The following TMC1 variants were observed in gnomAD, a reference collection of about 807,000 sequenced individuals.
TMC1 encodes transmembrane channel-like protein 1.
Under a neutral mutation model 105.8 loss-of-function variants are expected in TMC1, and 84 were observed. The ratio of observed to expected loss-of-function variants is 0.79; its 90% confidence interval spans 0.67 to 0.95. TMC1 has a LOEUF of 0.95. Among genes scored for constraint, TMC1 ranks in the 40% least tolerant of loss-of-function variants. TMC1 has a pLI of 0.00. For synonymous variants in TMC1, 315 were observed against 311.5 expected, an observed-to-expected ratio of 1.01 and a Z score of -0.12; for missense variants, 817 against 914.1, an observed-to-expected ratio of 0.89 and a Z score of 1.37.
At chr9:72,681,005 G>C (rs946854000) in intron 5 of TMC1, among the ~76,000 whole-genome samples, 2 of 152,004 alleles carry the variant, frequency 1.3e-5, no homozygotes, top group Non-Finnish European at 2.9e-5. Flanking sequence ...AAAATGCTAC[G>C]GAGGACAGAA....
intron 8 of TMC1, among the ~76,000 whole-genome samples, chr9:72,732,602 T>A (rs1827231358): frequency 6.6e-6 from 1 of 151,296 alleles, no homozygotes; most frequent in Admixed American, 6.6e-5. Flanking sequence ...CTTTGGATAA[T>A]AACTAAAAGC....
intron 5 of TMC1, chr9:72,651,474 G>A (rs1825813744): frequency 6.6e-6 from 1 of 152,130 alleles, no homozygotes; most frequent in South Asian, 2.1e-4. Flanking sequence ...ATTGCAGGTT[G>A]TCAACTCTGC....
chr9:72,794,755 A>G (rs1029169457), intron 17 of TMC1, among the ~76,000 whole-genome samples: 3 of 152,218 alleles, frequency 2.0e-5, no homozygotes, highest in Non-Finnish European at 4.4e-5. Flanking sequence ...CAGTTCTCCA[A>G]CAAGAGTTCT....
intron 1 of TMC1, among the ~76,000 whole-genome samples, chr9:72,533,682 G>A (rs889922871): frequency 5.3e-5 from 8 of 152,180 alleles, no homozygotes; most frequent in Non-Finnish European, 1.0e-4. Context: ...ACAATCTAAG[G>A]TAGAAAAACA....
chr9:72,776,413 G>A (rs1828006052), intron 13 of TMC1, among the ~76,000 whole-genome samples: 1 of 152,140 alleles, frequency 6.6e-6, no homozygotes, highest in South Asian at 2.1e-4. Context: ...CATCTGTTGA[G>A]CATCTCTCAT....
chr9:72,634,482 C>A (rs1361730826), intron 4 of TMC1, among the ~76,000 whole-genome samples: 1 of 152,174 alleles, frequency 6.6e-6, no homozygotes, highest in Admixed American at 6.5e-5. Flanking sequence ...TGTGGACTTT[C>A]ATTAGTCTTA....
intron 1 of TMC1, among the ~76,000 whole-genome samples, chr9:72,559,117 T>G (rs985674175): frequency 6.6e-6 from 1 of 150,890 alleles, no homozygotes; most frequent in African/African-American, 2.4e-5. Flanking sequence ...TTTTTTGAGA[T>G]GGAGTCTTGC....
chr9:72,590,587 C>T (rs960398938), intron 2 of TMC1, among the ~76,000 whole-genome samples: 3 of 152,174 alleles, frequency 2.0e-5, no homozygotes, highest in Non-Finnish European at 2.9e-5. Context: ...TTAATGCTCA[C>T]CTCAAAAGGT....
chr9:72,830,738 CTTT>C (rs71495342), intron 23 of TMC1, 56 bp downstream of exon 23: 3,288 of 1,136,526 alleles, frequency 2.9e-3, no homozygotes, highest in Non-Finnish European at 3.2e-3. Flanking sequence ...CTTTTTCTTT[CTTT>C]TTTTTTTTTT....
chr9:72,754,796 G>A lies in TMC1; in HGVS notation c.653G>A (p.Gly218Asp). 6.2e-7 allele frequency: 1 copy of A among 1,613,676 alleles called. No homozygotes were observed. Among genetic ancestry groups the A allele is most frequent in the Non-Finnish European group, 8.5e-7 (1 of 1,179,636 alleles). Residue 218 changes from glycine (G) to aspartate (D), a missense_variant, in exon 12 of 24, where the codon GGT (glycine) becomes GAT (aspartate). Coordinates refer to ENST00000297784, the MANE Select transcript of TMC1 (RefSeq NM_138691.3). ...TGCTTCTTCATACAGTACCTCTGGG[G>A]TTTGCCATATGGCAGTTTACCTAGG... ...SLIMLPEYLWGLPYGSLPRKT... is the reference protein window; with the variant it reads ...SLIMLPEYLWDLPYGSLPRKT...
chr9:72,787,439 C>G (rs1828184750), intron 13 of TMC1, among the ~76,000 whole-genome samples: 1 of 152,014 alleles, frequency 6.6e-6, no homozygotes, highest in South Asian at 2.1e-4. Flanking sequence ...TCATTGTGCC[C>G]CTTTCTTCTT....
intron 8 of TMC1, among the ~76,000 whole-genome samples, chr9:72,734,786 AT>A (rs895467788): frequency 4.6e-5 from 7 of 152,202 alleles, no homozygotes; most frequent in African/African-American, 1.7e-4. Flanking sequence ...AATGTCTTTC[AT>A]TTGCTTGAGC....
chr9:72,680,906 C>T (rs1296920680), intron 5 of TMC1, among the ~76,000 whole-genome samples: 2 of 152,112 alleles, frequency 1.3e-5, no homozygotes, highest in Non-Finnish European at 2.9e-5. Flanking sequence ...AGTTCTTTCA[C>T]AATTCTTTAG....
At chr9:72,581,120 C>G (rs533719908) in intron 2 of TMC1, among the ~76,000 whole-genome samples, 128 of 152,304 alleles carry the variant, frequency 8.4e-4, no homozygotes, top group African/African-American at 3.0e-3. Context: ...TATTCCAATA[C>G]TTTAGCCCCA....
rs1303296999 is a variant in TMC1 at position 72,789,088 on chromosome 9, G to T, written c.1030-35G>T. 7 of 1,597,036 alleles carry T rather than the reference G, an allele frequency of 4.4e-6. No individual in the cohort carries two copies. The South Asian group carries it at 4.4e-5, about 10-fold the overall frequency. ...AATGTAGCTAAGATATTCTATTTTG[G>T]GTTTTTGTTTGTTTGTTTGTTTTCA... On this transcript the variant is annotated intron_variant, in intron 14 of 23. Coordinates refer to ENST00000297784, the MANE Select transcript of TMC1 (RefSeq NM_138691.3).
rs1052637002 is a variant in TMC1, at chr9:72,521,822, C to A, written c.-519C>A. 3 of 152,116 alleles carry A rather than the reference C, an allele frequency of 2.0e-5. No individual in the cohort carries two copies. Among genetic ancestry groups the A allele is most frequent in the Admixed American group, 6.6e-5 (1 of 15,266 alleles). 9.4% of individuals were successfully genotyped at this position (152,116 alleles called of 1,614,324 possible). A position where few individuals can be genotyped will look rare whatever the true frequency, so the allele number is the denominator to read the frequency against. On this transcript the variant is annotated 5_prime_UTR_variant, in exon 1 of 24. Transcript: ENST00000297784. The stretch of plus-strand genomic sequence containing the variant: ...GCCTCAGAAACTATGAGGGCAGAAC[C>A]CAGCAATCTGTGCTTTCTTTCACAA...
chr9:72,799,229 C>A (rs145221617), intron 17 of TMC1, among the ~76,000 whole-genome samples: 1 of 152,156 alleles, frequency 6.6e-6, no homozygotes, highest in East Asian at 1.9e-4. Flanking sequence ...TTGAGAACAG[C>A]TTTTGTCATA....
At chr9:72,806,437 G>A (rs545897149) in intron 18 of TMC1, among the ~76,000 whole-genome samples, 7 of 150,328 alleles carry the variant, frequency 4.7e-5, no homozygotes, top group East Asian at 2.0e-4. Flanking sequence ...GGTGGCTGCC[G>A]GGCGGAGACG....
intron 2 of TMC1, among the ~76,000 whole-genome samples, chr9:72,582,681 A>T (rs1053622058): frequency 5.3e-5 from 8 of 152,194 alleles, no homozygotes; most frequent in African/African-American, 1.9e-4. Context: ...GGTAAATCAA[A>T]ACTTAATAAC....
Sources: gnomAD v4.1 joint callset for allele counts (sites outside exome capture counted in the v4.1 genomes callset) on GRCh38, gnomAD v4.1.1 for gene constraint, MANE v1.5 for transcripts, NCBI Gene and HGNC (gene_info 2026-07-23, HGNC 2026-07-21) for gene names.